The following HPSE2 variants were observed in gnomAD, a reference collection of about 807,000 sequenced individuals.
The protein encoded by HPSE2 is inactive heparanase-2.
A neutral mutation model predicts 60.5 loss-of-function variants in HPSE2; 38 were observed. That is an observed-to-expected ratio of 0.63 (90% confidence interval 0.48 to 0.82). HPSE2 has a LOEUF of 0.82. Among genes scored for constraint, HPSE2 ranks in the 40% least tolerant of loss-of-function variants. HPSE2 has a pLI of 0.00. For missense variants in HPSE2, 713 were observed against 740.4 expected (o/e 0.96, Z 0.43); for synonymous variants, 295 against 293.2 (o/e 1.01, Z -0.06).
At chr10:98,874,851 G>A (rs769326312) in intron 3 of HPSE2, among the ~76,000 whole-genome samples, 3 of 151,900 alleles carry the variant, frequency 2.0e-5, no homozygotes, top group Non-Finnish European at 2.9e-5. Flanking sequence ...GGCCTTTTCC[G>A]GATCTATTAA....
intron 2 of HPSE2, among the ~76,000 whole-genome samples, chr10:99,145,451 G>A (rs1280061478): frequency 1.3e-5 from 2 of 148,480 alleles, no homozygotes; most frequent in Non-Finnish European, 3.0e-5. Flanking sequence ...GGGAGACTCT[G>A]TCTTAAAAAA....
the HPSE2 span, among the ~76,000 whole-genome samples, chr10:99,267,495 C>A: frequency 6.6e-6 from 1 of 151,978 alleles, no homozygotes. Context: ...TGTTAAACGA[C>A]CAAACCTGCC....
chr10:98,666,027 C>T (rs1458249546), intron 6 of HPSE2, among the ~76,000 whole-genome samples: 1 of 152,118 alleles, frequency 6.6e-6, no homozygotes, highest in Non-Finnish European at 1.5e-5. Context: ...TGTCTGCTGT[C>T]TTCAAGAAAC....
intron 3 of HPSE2, among the ~76,000 whole-genome samples, chr10:99,092,864 C>T (rs552732725): frequency 3.9e-5 from 6 of 152,170 alleles, no homozygotes; most frequent in Non-Finnish European, 8.8e-5. Context: ...TGTTGACTTC[C>T]GAGAATCTAA....
At chr10:98,569,840 T>C (rs1286188008) in intron 9 of HPSE2, among the ~76,000 whole-genome samples, 1 of 152,198 alleles carries the variant, frequency 6.6e-6, no homozygotes, top group East Asian at 1.9e-4. Context: ...CAGTCTCCAT[T>C]TCAGACCAGG....
intron 6 of HPSE2, among the ~76,000 whole-genome samples, chr10:98,682,410 A>C (rs866336332): frequency 6.6e-6 from 1 of 152,220 alleles, no homozygotes. Context: ...TGGCAATATA[A>C]GAACAGCCAA....
At chr10:98,600,811 CGT>C (rs59518820) in intron 9 of HPSE2, among the ~76,000 whole-genome samples, 16 of 50,632 alleles carry the variant, frequency 3.2e-4, no homozygotes, top group Middle Eastern at 0.018. Context: ...CACGTGTGTG[CGT>C]GTGTGTGTAG....
At chr10:98,524,186 G>T (rs994125643) in intron 9 of HPSE2, among the ~76,000 whole-genome samples, 1 of 152,138 alleles carries the variant, frequency 6.6e-6, no homozygotes, top group Non-Finnish European at 1.5e-5. Context: ...TCTTTGAACC[G>T]CTGCTTTGTA....
At chr10:99,168,934 C>T (rs1398702932) in intron 2 of HPSE2, among the ~76,000 whole-genome samples, 1 of 152,162 alleles carries the variant, frequency 6.6e-6, no homozygotes, top group Non-Finnish European at 1.5e-5. Context: ...GTGGCTTGCG[C>T]CTGTAATCCC....
intron 3 of HPSE2, among the ~76,000 whole-genome samples, chr10:98,854,472 T>C (rs917807288): frequency 6.6e-6 from 1 of 152,232 alleles, no homozygotes; most frequent in Non-Finnish European, 1.5e-5. Flanking sequence ...ACTTCTCATT[T>C]AGGAAATCAA....
chr10:98,461,398 T>TG (rs11426972), intron 11 of HPSE2, among the ~76,000 whole-genome samples: 80,056 of 151,790 alleles, frequency 0.53, 21,375 homozygotes, highest in African/African-American at 0.61. Flanking sequence ...CTGGAAGGCA[T>TG]GGGGTGGGAG....
At chr10:98,931,091 T>C (rs1309902386) in intron 3 of HPSE2, among the ~76,000 whole-genome samples, 1 of 144,424 alleles carries the variant, frequency 6.9e-6, no homozygotes, top group Non-Finnish European at 1.5e-5. Context: ...CTAGGGTTTT[T>C]ATGGTTTTCG....
At chr10:98,531,545 G>A (rs1056892301) in intron 9 of HPSE2, among the ~76,000 whole-genome samples, 6 of 152,114 alleles carry the variant, frequency 3.9e-5, no homozygotes, top group Admixed American at 1.3e-4. Flanking sequence ...GCTAATAATG[G>A]GGAGAACTCA....
At chr10:99,169,866 T>C (rs1196673383) in intron 2 of HPSE2, among the ~76,000 whole-genome samples, 1 of 152,142 alleles carries the variant, frequency 6.6e-6, no homozygotes, top group East Asian at 1.9e-4. Context: ...GGTCATACAA[T>C]CTCTTGCAAC....
chr10:98,766,876 G>C (rs1379981214), intron 3 of HPSE2, among the ~76,000 whole-genome samples: 1 of 152,110 alleles, frequency 6.6e-6, no homozygotes, highest in African/African-American at 2.4e-5. Flanking sequence ...AGTGAGCCAT[G>C]ATCACACCAC....
chr10:98,901,665 A>C (rs1289256749), intron 3 of HPSE2, among the ~76,000 whole-genome samples: 1 of 152,194 alleles, frequency 6.6e-6, no homozygotes, highest in Non-Finnish European at 1.5e-5. Flanking sequence ...CAAATATTAA[A>C]AGCTGCCTAT....
chr10:98,846,379 G>C (rs949119416), intron 3 of HPSE2, among the ~76,000 whole-genome samples: 1 of 152,166 alleles, frequency 6.6e-6, no homozygotes, highest in Non-Finnish European at 1.5e-5. Flanking sequence ...AATTAAACCT[G>C]GGTTTTGAAG....
At chr10:99,155,498 T>G (rs927377619) in intron 2 of HPSE2, among the ~76,000 whole-genome samples, 15 of 147,038 alleles carry the variant, frequency 1.0e-4, no homozygotes, top group African/African-American at 3.2e-4. Flanking sequence ...TGCTCCTGAA[T>G]GACTACTGGG....
intron 3 of HPSE2, among the ~76,000 whole-genome samples, chr10:98,956,845 CA>C (rs2135215908): frequency 6.6e-6 from 1 of 152,128 alleles, no homozygotes; most frequent in South Asian, 2.1e-4. Flanking sequence ...CCTGAAGCCT[CA>C]ACGATGAAAA....
Sources: allele counts gnomAD v4.1 joint callset (sites outside exome capture counted in the v4.1 genomes callset), GRCh38; gene constraint gnomAD v4.1.1; transcripts MANE v1.5; gene names NCBI Gene and HGNC (gene_info 2026-07-23, HGNC 2026-07-21).